The following RHAG variants were observed in gnomAD, a reference collection of about 807,000 sequenced individuals.
RHAG encodes the protein ammonium transporter Rh type A.
Under a neutral mutation model 42.4 loss-of-function variants are expected in RHAG, and 25 were observed. The ratio of observed to expected loss-of-function variants is 0.59; its 90% CI spans 0.43 to 0.82. RHAG has a LOEUF of 0.82. RHAG is among the 40% of genes least tolerant of loss of function. The probability of loss-of-function intolerance (pLI) is 0.00; values close to 1 mark genes in which losing one functional copy is unlikely to be tolerated. For missense variants in RHAG, 483 were observed against 504.6 expected (o/e 0.96, Z 0.41); for synonymous variants, 182 against 177.7 (o/e 1.02, Z -0.19).
At chr6:49,605,851 G>A (rs1449142971) in intron 9 of RHAG, 21 bp from the exon 10 acceptor site, 1 of 1,602,504 alleles carries the variant, frequency 6.2e-7, no homozygotes, top group Non-Finnish European at 8.5e-7. Context: ...ACAAGTTTGA[G>A]GGCACTTAAT....
At chr6:49,622,920 C>T (rs1200250409) in intron 1 of RHAG, among the ~76,000 whole-genome samples, 1 of 150,768 alleles carries the variant, frequency 6.6e-6, no homozygotes, top group Non-Finnish European at 1.5e-5. Context: ...ACTGCAAGCT[C>T]CGCCTCCCGG....
chr6:49,619,451 C>T, intron 1 of RHAG, 89 bp from the exon 2 acceptor site: 6 of 1,188,780 alleles, frequency 5.0e-6, no homozygotes, highest in Non-Finnish European at 7.3e-6. Flanking sequence ...TAAGTGCTAC[C>T]ACCTTTGTAT....
chr6:49,613,733 C>A (rs1268215162), intron 5 of RHAG, among the ~76,000 whole-genome samples: 1 of 152,148 alleles, frequency 6.6e-6, no homozygotes, highest in Non-Finnish European at 1.5e-5. Flanking sequence ...TTATTTTGAA[C>A]TAATTGCAGA....
chr6:49,614,622 T>A, intron 5 of RHAG, 65 bp downstream of exon 5: 1 of 1,363,796 alleles, frequency 7.3e-7, no homozygotes, highest in Non-Finnish European at 1.0e-6. Flanking sequence ...AATTACCTAC[T>A]ACTTATCTGA....
chr6:49,629,533 C>T (rs1012964657), intron 1 of RHAG, among the ~76,000 whole-genome samples: 9 of 152,176 alleles, frequency 5.9e-5, no homozygotes, highest in Non-Finnish European at 1.3e-4. Flanking sequence ...CTGCCAGTCC[C>T]GGTGTTGTGC....
At position 49,612,473 on chromosome 6, in the gene RHAG, G is replaced by A. The variant is rs1410798114; in HGVS notation, c.869C>T (p.Ala290Val). ...AATCATAGAACCAAATGGGTGAATT[G>A]CCATATCCGCACAAGTGCCCACAGC... ...GVAVGTCADM[A>V]IHPFGSMIIG... Residue 290 changes from alanine to valine, a missense_variant, in exon 6 of 10, where the codon GCA (alanine) becomes GTA (valine). Ala to Val is a moderately conservative substitution (Grantham distance 64). Coordinates refer to ENST00000371175, the MANE Select transcript of RHAG (RefSeq NM_000324.3). The A allele has an allele frequency of 1.2e-6, 2 of 1,613,896 alleles. No individual in the cohort carries two copies. The highest frequency in any genetic ancestry group is 1.3e-5 in the African/African-American group (1 of 74,888).
Position 49,608,169 on chromosome 6 carries a change from A to G in RHAG, c.1068-949T>C, listed in dbSNP as rs1305547460. On this transcript the variant is annotated intron_variant, in intron 7 of 9. Coordinates refer to ENST00000371175, the MANE Select transcript of RHAG (RefSeq NM_000324.3). Reference sequence around the variant, plus strand: ...AAAATGCAATCTTACTATATTACTTATTTTCACATTAAATATGTTTTAGGG... The same window carrying G: ...AAAATGCAATCTTACTATATTACTTGTTTTCACATTAAATATGTTTTAGGG... Among the ~76,000 whole-genome samples, 3 of 152,162 alleles carry G rather than the reference A, an allele frequency of 2.0e-5. No homozygotes were observed. In the East Asian group the frequency reaches 5.8e-4, roughly 29 times the overall value.
intron 1 of RHAG, among the ~76,000 whole-genome samples, chr6:49,624,553 C>T (rs1215886002): frequency 6.6e-6 from 1 of 152,232 alleles, no homozygotes; most frequent in African/African-American, 2.4e-5. Flanking sequence ...ACTGTATTAG[C>T]TCTATGCTAG....
chr6:49,607,181 G>C lies in RHAG; in HGVS notation c.1107C>G (p.Ile369Met). ...AMQAAALGSS[I>M]GTAVVGGLMT... is the part of the protein sequence containing the mutation. The stretch of plus-strand genomic sequence containing the variant: ...TCAGACCTCCAACAACTGCTGTTCC[G>C]ATAGAGGAACCCAGTGCAGCTGCCT... Residue 369 changes from isoleucine to methionine, a missense_variant, in exon 8 of 10, where the codon ATC becomes ATG. Ile to Met is a conservative substitution (Grantham distance 10). Coordinates refer to ENST00000371175, the MANE Select transcript of RHAG (RefSeq NM_000324.3). The C allele has an allele frequency of 2.5e-6, 4 of 1,613,636 alleles. No homozygotes were observed. The highest frequency in any genetic ancestry group is 3.4e-6 in the Non-Finnish European group (4 of 1,179,744).
At chr6:49,612,372 G>C (rs1243162845) in intron 6 of RHAG, 25 bp downstream of exon 6, 3 of 1,612,528 alleles carry the variant, frequency 1.9e-6, no homozygotes, top group East Asian at 2.2e-5. Flanking sequence ...TTCAGAGTTT[G>C]ACTCAGAACA....
chr6:49,607,073 T>G (rs1762481057), intron 8 of RHAG, 77 bp downstream of exon 8: 11 of 1,363,808 alleles, frequency 8.1e-6, no homozygotes, highest in Middle Eastern at 1.8e-4. Context: ...ATTTAGCAAT[T>G]GACTTGCTCA....
At chr6:49,631,418 TCTC>T (rs1248614016) in intron 1 of RHAG, among the ~76,000 whole-genome samples, 1 of 152,162 alleles carries the variant, frequency 6.6e-6, no homozygotes, top group Admixed American at 6.5e-5. Flanking sequence ...GCTTCCTCCT[TCTC>T]CTCTTTTTCT....
chr6:49,606,985 T>C (rs1762480165), intron 8 of RHAG, 64 bp from the exon 9 acceptor site: 1 of 1,239,134 alleles, frequency 8.1e-7, no homozygotes, highest in Non-Finnish European at 1.2e-6. Flanking sequence ...ACTTGCATAG[T>C]AGCTTATATA....
In RHAG at chr6:49,636,770, C is replaced by T. The variant is rs1380347663; in HGVS notation, c.43G>A (p.Ala15Thr). 6.2e-7 allele frequency: 1 copy of T among 1,613,862 alleles called. No individual in the cohort carries two copies. Among genetic ancestry groups the T allele is most frequent in the Non-Finnish European group, 8.5e-7 (1 of 1,179,816 alleles). Residue 15 changes from alanine to threonine, a missense_variant, in exon 1 of 10, where the codon GCC (alanine) becomes ACC (threonine). Transcript: ENST00000371175. ...FPLMAIVLEI[A>T]MIVLFGLFVE... is the part of the protein sequence containing the mutation. ...AATAATCCAAATAAAACAATCATGG[C>T]AATTTCCAGGACTATAGCCATGAGA...
intron 1 of RHAG, among the ~76,000 whole-genome samples, chr6:49,629,007 G>A (rs1161576997): frequency 1.3e-5 from 2 of 152,168 alleles, no homozygotes; most frequent in Admixed American, 1.3e-4. Flanking sequence ...GATTGGTAGA[G>A]CCAAGTGGTG....
chr6:49,615,527 G>A, intron 4 of RHAG, 97 bp downstream of exon 4: 1 of 1,365,452 alleles, frequency 7.3e-7, no homozygotes, highest in Non-Finnish European at 1.0e-6. Flanking sequence ...TGCCTGGCTT[G>A]GATGTTCTTT....
At chr6:49,622,668 G>A (rs1291250199) in intron 1 of RHAG, among the ~76,000 whole-genome samples, 3 of 151,996 alleles carry the variant, frequency 2.0e-5, no homozygotes, top group East Asian at 1.9e-4. Context: ...AACTTCTTTC[G>A]TTCGTAAATT....
At chr6:49,613,119 G>A (rs917355505) in intron 5 of RHAG, among the ~76,000 whole-genome samples, 6 of 150,962 alleles carry the variant, frequency 4.0e-5, no homozygotes, top group Non-Finnish European at 7.4e-5. Flanking sequence ...TCCCAGGCTG[G>A]AGTGCAGCAG....
chr6:49,619,911 C>T (rs1299078113), intron 1 of RHAG, among the ~76,000 whole-genome samples: 4 of 152,182 alleles, frequency 2.6e-5, no homozygotes, highest in Non-Finnish European at 4.4e-5. Context: ...CTCTCTTTAA[C>T]TTGGCATAAT....
Sources: allele counts gnomAD v4.1 joint callset (sites outside exome capture counted in the v4.1 genomes callset), GRCh38; gene constraint gnomAD v4.1.1; transcripts MANE v1.5; gene names NCBI Gene and HGNC (gene_info 2026-07-23, HGNC 2026-07-21).